Variants in ISCA1 observed in about 807,000 individuals in gnomAD.
ISCA1 encodes iron-sulfur cluster assembly 1 homolog, mitochondrial.
In ISCA1, 9 loss-of-function variants were observed where a neutral mutation model predicts 14.7. That is an observed-to-expected ratio of 0.61 (90% CI 0.37 to 1.07). The LOEUF is 1.07. Ranked by LOEUF, ISCA1 falls within the 50% of genes least tolerant of loss-of-function variation. The pLI is 0.01. For missense variants in ISCA1, 102 were observed against 150.1 expected (o/e 0.68, Z 1.67); for synonymous variants, 38 against 54.3 (o/e 0.70, Z 1.32).
intron 3 of ISCA1, among the ~76,000 whole-genome samples, chr9:86,269,364 T>C (rs1262397823): frequency 4.6e-5 from 7 of 152,118 alleles, no homozygotes; most frequent in African/African-American, 7.2e-5. Context: ...AATAAAATAC[T>C]TAGGAATCCA....
rs1374002765 is a variant in ISCA1, at chr9:86,264,569, A to G, written c.*1474T>C. ...AATTTTATGATCACAAAGAGGCCAC[A>G]TTTTTTTTAATTGACAACTCAATCT... On this transcript the variant is annotated 3_prime_UTR_variant, in exon 4 of 4. Coordinates refer to ENST00000375991, the MANE Select transcript of ISCA1 (RefSeq NM_030940.4). 2 of 152,308 alleles carry G rather than the reference A, an allele frequency of 1.3e-5. No individual in the cohort carries two copies. Among genetic ancestry groups the G allele is most frequent in the East Asian group, 3.9e-4 (2 of 5,188 alleles). 9.4% of individuals were successfully genotyped at this position (152,308 alleles called of 1,614,324 possible).
At chr9:86,269,669 T>C (rs28768502) in intron 3 of ISCA1, among the ~76,000 whole-genome samples, 67,480 of 151,162 alleles carry the variant, frequency 0.45, 15,190 homozygotes, top group Middle Eastern at 0.6. Flanking sequence ...GCTGGAGGCA[T>C]CACGCTACTT....
At chr9:86,272,293 C>T (rs759291636) in intron 2 of ISCA1, among the ~76,000 whole-genome samples, 181 bp from the exon 3 acceptor site, 1 of 152,206 alleles carries the variant, frequency 6.6e-6, no homozygotes, top group African/African-American at 2.4e-5. Flanking sequence ...ACGCTTCCAC[C>T]TCGGCCTCTC....
At position 86,280,478 on chromosome 9, in the gene ISCA1, C is replaced by T. The variant is rs140956998; in HGVS notation, c.81+1900G>A. Among the ~76,000 whole-genome samples, 1,295 of 151,788 alleles carry T rather than the reference C, an allele frequency of 8.5e-3. 5 individuals carry two copies. Among genetic ancestry groups the T allele is most frequent in the Middle Eastern group, 0.024 (7 of 294 alleles). On this transcript the variant is annotated intron_variant, in intron 1 of 3. Transcript: ENST00000375991. ...GGGCATGGTGGTGGGCGTCTGTAAT[C>T]CCAGCTACTCAGGAGGCTGAGGCAG...
Position 86,265,593 on chromosome 9 carries a change from T to C in ISCA1, c.*450A>G. On this transcript the variant is annotated 3_prime_UTR_variant, in exon 4 of 4. Coordinates refer to ENST00000375991, the MANE Select transcript of ISCA1 (RefSeq NM_030940.4). ...CTGACAATGAAATTTTTCATAAAAATGTATAAAAAGGCTATGTTAAGTTTG... is the reference window on the plus strand; with the variant it reads ...CTGACAATGAAATTTTTCATAAAAACGTATAAAAAGGCTATGTTAAGTTTG... 1 of 195,602 alleles carries C rather than the reference T, an allele frequency of 5.1e-6. No homozygotes were observed. The highest frequency in any genetic ancestry group is 1.4e-4 in the East Asian group (1 of 7,248). The allele number at this position is 195,602 out of a possible 1,614,324, so 12.1% of individuals were successfully genotyped here.
chr9:86,281,665 T>C (rs1458050721), intron 1 of ISCA1, among the ~76,000 whole-genome samples: 2 of 152,222 alleles, frequency 1.3e-5, no homozygotes, highest in Admixed American at 1.3e-4. Flanking sequence ...GCTCAGTGAA[T>C]TCTCTAAGTA....
intron 3 of ISCA1, among the ~76,000 whole-genome samples, chr9:86,268,287 G>A (rs1030373952): frequency 1.3e-5 from 2 of 152,032 alleles, no homozygotes; most frequent in Admixed American, 6.6e-5. Flanking sequence ...TGACCCTGTG[G>A]AGGCCTAAGT....
intron 2 of ISCA1, among the ~76,000 whole-genome samples, chr9:86,272,995 A>G (rs1825390777): frequency 6.6e-6 from 1 of 152,248 alleles, no homozygotes; most frequent in South Asian, 2.1e-4. Context: ...AGGTGACTGT[A>G]TACAGCAAAA....
chr9:86,271,828 A>T (rs939432452), intron 3 of ISCA1, among the ~76,000 whole-genome samples, 179 bp downstream of exon 3: 4 of 152,254 alleles, frequency 2.6e-5, no homozygotes, highest in Admixed American at 2.0e-4. Context: ...GGTACCACCC[A>T]CATTCAGCAT....
At chr9:86,279,442 G>C (rs148961226) in intron 1 of ISCA1, among the ~76,000 whole-genome samples, 5 of 152,338 alleles carry the variant, frequency 3.3e-5, no homozygotes, top group Admixed American at 6.5e-5. Context: ...GATATGTAGG[G>C]AAATAGGGAA....
intron 1 of ISCA1, among the ~76,000 whole-genome samples, chr9:86,277,826 G>A (rs1244814715): frequency 6.6e-6 from 1 of 152,218 alleles, no homozygotes; most frequent in African/African-American, 2.4e-5. Flanking sequence ...ACAGGAATAT[G>A]ACTTTTAAAG....
chr9:86,282,432 A>G lies in ISCA1; in HGVS notation c.27T>C (p.Thr9=). Residue 9 remains threonine, a synonymous_variant, in exon 1 of 4, where the codon ACT becomes ACC. Coordinates refer to ENST00000375991, the MANE Select transcript of ISCA1 (RefSeq NM_030940.4). ...GCTTCCTCTTGCTCACAGCCCGGACAGTTGCCCGGACTAAGGAAGCCGACA... is the reference window on the plus strand; with the variant it reads ...GCTTCCTCTTGCTCACAGCCCGGACGGTTGCCCGGACTAAGGAAGCCGACA... MSASLVRA[T]VRAVSKRKLQ... 3.9e-6 allele frequency: 6 copies of G among 1,555,628 alleles called. No homozygotes were observed. Among genetic ancestry groups the G allele is most frequent in the Non-Finnish European group, 5.2e-6 (6 of 1,149,676 alleles).
chr9:86,277,987 G>A (rs1325705645), intron 1 of ISCA1, among the ~76,000 whole-genome samples: 1 of 152,148 alleles, frequency 6.6e-6, no homozygotes, highest in African/African-American at 2.4e-5. Context: ...ATCCTTGTAG[G>A]AGAAACTTTT....
At chr9:86,282,326 G>T in intron 1 of ISCA1, 52 bp downstream of exon 1, 1 of 1,513,242 alleles carries the variant, frequency 6.6e-7, no homozygotes, top group Non-Finnish European at 8.9e-7. Flanking sequence ...CCCCTTGCAC[G>T]GGGCGGACAC....
chr9:86,279,525 A>C (rs1411967984), intron 1 of ISCA1, among the ~76,000 whole-genome samples: 5 of 152,228 alleles, frequency 3.3e-5, no homozygotes, highest in Admixed American at 3.3e-4. Context: ...CCTTTTGTTG[A>C]CATCTGGTAG....
At chr9:86,269,937 T>C (rs1306003064) in intron 3 of ISCA1, among the ~76,000 whole-genome samples, 3 of 152,124 alleles carry the variant, frequency 2.0e-5, no homozygotes, top group Non-Finnish European at 4.4e-5. Context: ...ATACCAAAAT[T>C]AATTCAAGAT....
At chr9:86,274,338 G>A in intron 1 of ISCA1, 96 bp from the exon 2 acceptor site, 1 of 787,724 alleles carries the variant, frequency 1.3e-6, no homozygotes, top group Middle Eastern at 2.3e-4. Flanking sequence ...AAATTCATGT[G>A]ACAAATTTAT....
At chr9:86,268,081 G>T (rs1825311646) in intron 3 of ISCA1, among the ~76,000 whole-genome samples, 1 of 151,798 alleles carries the variant, frequency 6.6e-6, no homozygotes. Context: ...ACTTTTTATT[G>T]TTTAAAATTT....
At chr9:86,267,159 A>T in intron 3 of ISCA1, 1 of 210,992 alleles carries the variant, frequency 4.7e-6, no homozygotes, top group Non-Finnish European at 8.2e-6. Context: ...CGGGAGACAG[A>T]GGCTACAGTG....
Sources: gnomAD v4.1 joint callset for allele counts (sites outside exome capture counted in the v4.1 genomes callset) on GRCh38, gnomAD v4.1.1 for gene constraint, MANE v1.5 for transcripts, NCBI Gene and HGNC (gene_info 2026-07-23, HGNC 2026-07-21) for gene names.